RCAN2: variants seen among roughly 807,000 people sequenced by gnomAD.
RCAN2 encodes calcipressin-2.
Under a neutral mutation model 23.6 loss-of-function variants are expected in RCAN2, and 9 were observed. That is an observed-to-expected ratio of 0.38 (90% CI 0.23 to 0.67). RCAN2 has a LOEUF of 0.67. RCAN2 is among the 30% of genes least tolerant of loss of function. The probability of loss-of-function intolerance (pLI) is 0.51; values close to 1 mark genes in which losing one functional copy is unlikely to be tolerated. For synonymous variants in RCAN2, 109 were observed against 115.7 expected (o/e 0.94, Z 0.37); for missense variants, 273 against 302.3 (o/e 0.90, Z 0.72).
At chr6:46,290,375 GAT>G (rs1762519013) in intron 2 of RCAN2, among the ~76,000 whole-genome samples, 1 of 152,174 alleles carries the variant, frequency 6.6e-6, no homozygotes, top group African/African-American at 2.4e-5. Flanking sequence ...ACAGGGATGA[GAT>G]ATTAAATGAT....
chr6:46,414,081 T>C (rs1766629886), intron 2 of RCAN2, among the ~76,000 whole-genome samples: 1 of 152,134 alleles, frequency 6.6e-6, no homozygotes, highest in South Asian at 2.1e-4. Flanking sequence ...ACATGGTGCA[T>C]TAGAGACAAA....
At chr6:46,307,359 A>C (rs1190618502) in intron 2 of RCAN2, among the ~76,000 whole-genome samples, 6 of 152,162 alleles carry the variant, frequency 3.9e-5, no homozygotes, top group African/African-American at 1.2e-4. Context: ...AGATCAGCTA[A>C]GCCTCTGGCA....
At chr6:46,418,695 G>A (rs978350344) in intron 2 of RCAN2, among the ~76,000 whole-genome samples, 110 of 121,330 alleles carry the variant, frequency 9.1e-4, no homozygotes, top group African/African-American at 2.4e-3. Context: ...ATGTGTGTGT[G>A]TATATATATA....
chr6:46,256,107 C>A (rs1294835864), intron 2 of RCAN2, among the ~76,000 whole-genome samples: 2 of 152,082 alleles, frequency 1.3e-5, no homozygotes, highest in Non-Finnish European at 2.9e-5. Context: ...CGGTAGCTCA[C>A]GCCTGTAATC....
At chr6:46,451,510 G>A (rs755124530) in intron 2 of RCAN2, among the ~76,000 whole-genome samples, 5 of 152,152 alleles carry the variant, frequency 3.3e-5, no homozygotes, top group Non-Finnish European at 7.4e-5. Context: ...CTATAGATAA[G>A]AGATTGTGGA....
At chr6:46,381,312 A>C (rs936814876) in intron 2 of RCAN2, among the ~76,000 whole-genome samples, 4 of 152,230 alleles carry the variant, frequency 2.6e-5, no homozygotes, top group Non-Finnish European at 5.9e-5. Context: ...AACCTTGGGC[A>C]AGTCACTTTA....
intron 4 of RCAN2, among the ~76,000 whole-genome samples, chr6:46,229,966 T>A (rs1349953426): frequency 1.3e-5 from 2 of 152,150 alleles, no homozygotes; most frequent in African/African-American, 4.8e-5. Context: ...GGTGTGGAGG[T>A]CCTTTCTGTT....
intron 2 of RCAN2, among the ~76,000 whole-genome samples, chr6:46,339,452 G>T (rs1764237001): frequency 6.6e-6 from 1 of 151,796 alleles, no homozygotes; most frequent in South Asian, 2.1e-4. Flanking sequence ...TATATAAACG[G>T]GGGCATAGAA....
chr6:46,254,730 C>T (rs1766847664), intron 2 of RCAN2, among the ~76,000 whole-genome samples: 1 of 152,100 alleles, frequency 6.6e-6, no homozygotes, highest in African/African-American at 2.4e-5. Context: ...GACCTCAGAA[C>T]ATGACCTTGT....
At chr6:46,320,477 G>T (rs1763577532) in intron 2 of RCAN2, among the ~76,000 whole-genome samples, 1 of 152,114 alleles carries the variant, frequency 6.6e-6, no homozygotes, top group African/African-American at 2.4e-5. Flanking sequence ...ATGATGTGCT[G>T]GTCTTTTTCA....
chr6:46,421,788 G>A (rs1766895900), intron 2 of RCAN2, among the ~76,000 whole-genome samples: 1 of 152,150 alleles, frequency 6.6e-6, no homozygotes. Flanking sequence ...GAAAGTCACT[G>A]ATCTTTATAT....
At chr6:46,285,050 T>C (rs1388598264) in intron 2 of RCAN2, among the ~76,000 whole-genome samples, 24 of 152,250 alleles carry the variant, frequency 1.6e-4, no homozygotes, top group Admixed American at 1.4e-3. Context: ...TGTTGATCTA[T>C]ACATGTTTGC....
chr6:46,288,012 T>G (rs2150343127), intron 2 of RCAN2, among the ~76,000 whole-genome samples: 1 of 152,338 alleles, frequency 6.6e-6, no homozygotes, highest in East Asian at 1.9e-4. Flanking sequence ...CTCTCTTTTC[T>G]TCTTGCAGGG....
chr6:46,351,810 C>T (rs993815645), intron 2 of RCAN2, among the ~76,000 whole-genome samples: 1 of 152,082 alleles, frequency 6.6e-6, no homozygotes, highest in African/African-American at 2.4e-5. Flanking sequence ...AGTTGGGAAG[C>T]GAGGAAATTG....
At chr6:46,459,894 C>A (rs1009617560) in intron 1 of RCAN2, among the ~76,000 whole-genome samples, 1 of 152,004 alleles carries the variant, frequency 6.6e-6, no homozygotes, top group African/African-American at 2.4e-5. Context: ...ATGAACTATG[C>A]AGTAAAAACA....
intron 2 of RCAN2, among the ~76,000 whole-genome samples, chr6:46,274,300 A>G (rs945875060): frequency 1.3e-5 from 2 of 152,228 alleles, no homozygotes; most frequent in African/African-American, 4.8e-5. Flanking sequence ...GTAGCTATAT[A>G]TAGGTCATCT....
chr6:46,224,684 T>C (rs1368580008), intron 4 of RCAN2, among the ~76,000 whole-genome samples: 2 of 152,262 alleles, frequency 1.3e-5, no homozygotes, highest in Non-Finnish European at 2.9e-5. Flanking sequence ...ACTGGATGGC[T>C]GGAGCAAGTA....
chr6:46,370,119 ACTC>A (rs1765287971), intron 2 of RCAN2, among the ~76,000 whole-genome samples: 1 of 151,694 alleles, frequency 6.6e-6, no homozygotes, highest in South Asian at 2.1e-4. Flanking sequence ...AGTTTAGAGA[ACTC>A]CTCTCTGGTG....
chr6:46,223,622 C>T lies in RCAN2; in HGVS notation c.572-321G>A, dbSNP rs74914657. 7.3e-3 allele frequency among the ~76,000 whole-genome samples: 1,113 copies of T among 152,270 alleles called. 5 individuals are homozygous for T. Among genetic ancestry groups the T allele is most frequent in the Admixed American group, 0.013 (192 of 15,286 alleles). On this transcript the variant is annotated intron_variant, in intron 4 of 4. Transcript: ENST00000371374. Reference sequence around the variant, plus strand: ...GGACTGGATGGACTTGGCAGTTAGTCGTATTAGTTTCTCTTCTATTTTCCA... The same window carrying T: ...GGACTGGATGGACTTGGCAGTTAGTTGTATTAGTTTCTCTTCTATTTTCCA...
Sources: allele counts gnomAD v4.1 joint callset (sites outside exome capture counted in the v4.1 genomes callset), GRCh38; gene constraint gnomAD v4.1.1; transcripts MANE v1.5; gene names NCBI Gene and HGNC (gene_info 2026-07-23, HGNC 2026-07-21).